CHST3: variants seen among roughly 807,000 people sequenced by gnomAD.
CHST3 encodes the protein carbohydrate sulfotransferase 3.
In CHST3, 20 loss-of-function variants were observed where a neutral mutation model predicts 35.4. That is an observed-to-expected ratio of 0.57 (90% CI 0.40 to 0.82). CHST3 has a LOEUF of 0.82. Ranked by LOEUF, CHST3 falls within the 40% of genes least tolerant of loss-of-function variation. CHST3 has a pLI of 0.00. For synonymous variants in CHST3, 334 were observed against 295.9 expected (o/e 1.13, Z -1.32); for missense variants, 693 against 670.1 (o/e 1.03, Z -0.38).
At chr10:71,988,362 G>A (rs1839869044) in intron 1 of CHST3, among the ~76,000 whole-genome samples, 1 of 152,176 alleles carries the variant, frequency 6.6e-6, no homozygotes, top group African/African-American at 2.4e-5. Context: ...ATCTCATGTT[G>A]AATTGTAATC....
chr10:71,966,036 A>G (rs919913153), intron 1 of CHST3, among the ~76,000 whole-genome samples: 4 of 152,112 alleles, frequency 2.6e-5, no homozygotes, highest in South Asian at 2.1e-4. Flanking sequence ...TGGGGTCTCA[A>G]TTGAAGAATA....
intron 1 of CHST3, among the ~76,000 whole-genome samples, chr10:71,982,086 A>AAC (rs1839806477): frequency 6.6e-6 from 1 of 152,210 alleles, no homozygotes; most frequent in Non-Finnish European, 1.5e-5. Flanking sequence ...AGCCACCAGC[A>AAC]CCTGTGGATA....
At chr10:72,003,713 A>AAG (rs1317117440) in intron 1 of CHST3, among the ~76,000 whole-genome samples, 1 of 151,594 alleles carries the variant, frequency 6.6e-6, no homozygotes, top group Non-Finnish European at 1.5e-5. Flanking sequence ...AAAAAAAAAA[A>AAG]AAAAGGGAAT....
Position 72,007,619 on chromosome 10 carries a change from C to A in CHST3, c.588C>A (p.Phe196Leu). 1 of 1,610,082 alleles carries A rather than the reference C, an allele frequency of 6.2e-7. No homozygotes were observed. Among genetic ancestry groups the A allele is most frequent in the Non-Finnish European group, 8.5e-7 (1 of 1,179,546 alleles). Residue 196 changes from phenylalanine (F) to leucine (L), a missense_variant, in exon 3 of 3, where the codon TTC becomes TTA. Physicochemically the swap from Phe to Leu is conservative, Grantham distance 22 (BLOSUM62 0). Coordinates refer to ENST00000373115, the MANE Select transcript of CHST3 (RefSeq NM_004273.5). ...LVYRDVLKQL[F>L]LCDLYVLEHF... ...ACCGCGACGTGCTCAAGCAGCTCTT[C>A]CTGTGCGACCTGTACGTGCTGGAGC...
chr10:71,991,328 A>T (rs1839894640), intron 1 of CHST3, among the ~76,000 whole-genome samples: 1 of 152,170 alleles, frequency 6.6e-6, no homozygotes, highest in African/African-American at 2.4e-5. Flanking sequence ...TAAATATATG[A>T]AAAATGGCGT....
rs563551546 is a variant in CHST3, at chr10:71,982,580, CCT to C, written c.-108+17887_-108+17888del. On this transcript the variant is annotated intron_variant, in intron 1 of 2. Coordinates refer to ENST00000373115, the MANE Select transcript of CHST3 (RefSeq NM_004273.5). ...CCAGCCTGGGCAACCTGATGAAACC[CCT>C]GTCTCTACAAAAATAAAAAAATTAG... Among the ~76,000 whole-genome samples, 119 of 152,162 alleles carry C rather than the reference CCT, an allele frequency of 7.8e-4. 1 individual carries two copies. Among genetic ancestry groups the C allele is most frequent in the African/African-American group, 2.7e-3 (113 of 41,488 alleles).
chr10:71,976,094 T>A (rs1442763224), intron 1 of CHST3, among the ~76,000 whole-genome samples: 1 of 152,212 alleles, frequency 6.6e-6, no homozygotes, highest in Non-Finnish European at 1.5e-5. Context: ...GGGCTTGCAC[T>A]TCTGATTCAT....
At chr10:71,999,636 A>G (rs1178756354) in intron 1 of CHST3, among the ~76,000 whole-genome samples, 1 of 152,178 alleles carries the variant, frequency 6.6e-6, no homozygotes, top group Non-Finnish European at 1.5e-5. Flanking sequence ...GCCGTCCCTT[A>G]TCACAGCCGA....
In CHST3 at chr10:72,008,439, C is replaced by A; in HGVS notation, c.1408C>A (p.Leu470Met). The A allele has an allele frequency of 6.4e-7, 1 of 1,567,562 alleles. No homozygotes were observed. Among genetic ancestry groups the A allele is most frequent in the Non-Finnish European group, 8.6e-7 (1 of 1,156,422 alleles). Residue 470 changes from leucine to methionine, a missense_variant, in exon 3 of 3, where the codon CTG becomes ATG. Coordinates refer to ENST00000373115, the MANE Select transcript of CHST3 (RefSeq NM_004273.5). ...CCTCACCAACCGCTCAGTCAGCCTGCTGGAGGAGAGGGGCACCTTCTGGGT... is the reference window on the plus strand; with the variant it reads ...CCTCACCAACCGCTCAGTCAGCCTGATGGAGGAGAGGGGCACCTTCTGGGT... Reference protein sequence around the residue: ...AALTNRSVSLLEERGTFWVT With the variant: ...AALTNRSVSLMEERGTFWVT
At chr10:71,995,473 CTGTT>C (rs1413399858) in intron 1 of CHST3, among the ~76,000 whole-genome samples, 3 of 151,110 alleles carry the variant, frequency 2.0e-5, no homozygotes, top group East Asian at 3.9e-4. Context: ...GCTTGGCTAA[CTGTT>C]TGGTGCAAGA....
Position 72,011,824 on chromosome 10 carries a change from G to A in CHST3, c.*3353G>A, listed in dbSNP as rs1437939632. 2 of 152,182 alleles carry A rather than the reference G, an allele frequency of 1.3e-5. No individual in the cohort carries two copies. The highest frequency in any genetic ancestry group is 4.8e-5 in the African/African-American group (2 of 41,426). The allele number at this position is 152,182 out of a possible 1,614,324, so 9.4% of individuals were successfully genotyped here. On this transcript the variant is annotated 3_prime_UTR_variant, in exon 3 of 3. Coordinates refer to ENST00000373115, the MANE Select transcript of CHST3 (RefSeq NM_004273.5). ...CTGCCTGTTCCCATCTTCCCCTCGG[G>A]ACCTGTTTATAAATTGAGGAATGGA...
chr10:71,981,056 C>T (rs1034120934), intron 1 of CHST3, among the ~76,000 whole-genome samples: 15 of 152,164 alleles, frequency 9.9e-5, no homozygotes, highest in African/African-American at 3.6e-4. Flanking sequence ...CAATGAAAGG[C>T]GCTATTTAGC....
intron 1 of CHST3, among the ~76,000 whole-genome samples, chr10:71,970,322 T>C (rs1192708728): frequency 6.6e-6 from 1 of 152,126 alleles, no homozygotes; most frequent in Non-Finnish European, 1.5e-5. Flanking sequence ...CCTAGGAAAT[T>C]TATCACTGAG....
chr10:72,006,233 T>C (rs1316928324), intron 2 of CHST3, among the ~76,000 whole-genome samples: 1 of 152,192 alleles, frequency 6.6e-6, no homozygotes, highest in Admixed American at 6.5e-5. Context: ...CTGTGAAAGG[T>C]TAGACAAGAT....
intron 1 of CHST3, among the ~76,000 whole-genome samples, chr10:71,997,341 G>T (rs952493692): frequency 5.3e-5 from 8 of 152,102 alleles, no homozygotes; most frequent in African/African-American, 1.9e-4. Flanking sequence ...CTCACCAAGC[G>T]TGATGTCCTC....
At chr10:71,981,245 G>A (rs1296916168) in intron 1 of CHST3, among the ~76,000 whole-genome samples, 2 of 152,174 alleles carry the variant, frequency 1.3e-5, no homozygotes, top group Admixed American at 6.5e-5. Context: ...GCAGCACCTC[G>A]GCCTTGCAGC....
chr10:71,991,247 C>T (rs556782284), intron 1 of CHST3, among the ~76,000 whole-genome samples: 5 of 152,334 alleles, frequency 3.3e-5, no homozygotes, highest in Admixed American at 2.0e-4. Context: ...ATGAGCCTCA[C>T]GTCTCTGCCA....
intron 2 of CHST3, among the ~76,000 whole-genome samples, chr10:72,006,837 C>T (rs551686607): frequency 2.0e-5 from 3 of 152,296 alleles, no homozygotes; most frequent in Admixed American, 6.5e-5. Flanking sequence ...CACCTGAGAG[C>T]TTTCTCTCCA....
intron 1 of CHST3, among the ~76,000 whole-genome samples, chr10:71,991,931 GTCTGAAAAAAAAAA>G (rs1839900360): frequency 1.0e-5 from 1 of 98,704 alleles, no homozygotes; most frequent in African/African-American, 4.4e-5. Context: ...GCAAAACTCT[GTCTGAAAAAAAAAA>G]AGTTACTTTT....
Sources: allele counts gnomAD v4.1 joint callset (sites outside exome capture counted in the v4.1 genomes callset), GRCh38; gene constraint gnomAD v4.1.1; transcripts MANE v1.5; gene names NCBI Gene and HGNC (gene_info 2026-07-23, HGNC 2026-07-21).